OCA2: variants seen among roughly 807,000 people sequenced by gnomAD.
OCA2 encodes OCA2 melanosomal transmembrane protein, also known as P protein.
OCA2 carries 77 observed loss-of-function variants against 100.2 expected under a neutral mutation model. That is an observed-to-expected ratio of 0.77 (90% CI 0.64 to 0.93). The LOEUF (loss-of-function observed/expected upper bound fraction) is 0.93. OCA2 is among the 40% of genes least tolerant of loss of function. The pLI is 0.00. For missense variants in OCA2, 1,062 were observed against 1,089.1 expected, an observed-to-expected ratio of 0.98 and a Z score of 0.35; for synonymous variants, 432 against 439.2, an observed-to-expected ratio of 0.98 and a Z score of 0.21.
At chr15:27,956,193 T>A (rs140100628) in intron 16 of OCA2, among the ~76,000 whole-genome samples, 1 of 151,788 alleles carries the variant, frequency 6.6e-6, no homozygotes, top group Admixed American at 6.6e-5. Flanking sequence ...CTACTAAAAA[T>A]ACAAAATTAG....
chr15:27,913,021 A>G (rs1418096103), intron 19 of OCA2, among the ~76,000 whole-genome samples: 1 of 152,228 alleles, frequency 6.6e-6, no homozygotes, highest in Non-Finnish European at 1.5e-5. Flanking sequence ...AGAAATCTCT[A>G]CAAGGTAACT....
intron 19 of OCA2, among the ~76,000 whole-genome samples, chr15:27,904,866 G>T (rs916799586): frequency 2.0e-5 from 3 of 152,142 alleles, no homozygotes; most frequent in African/African-American, 7.2e-5. Context: ...TTCCCTTTTA[G>T]AAATCGGCAA....
chr15:27,979,292 T>C (rs1366577244), intron 14 of OCA2, among the ~76,000 whole-genome samples: 2 of 152,232 alleles, frequency 1.3e-5, no homozygotes, highest in East Asian at 3.8e-4. Flanking sequence ...GCTTATGATA[T>C]TTTTAACTTA....
chr15:27,773,301 A>G (rs2151054942), intron 23 of OCA2, among the ~76,000 whole-genome samples: 1 of 152,290 alleles, frequency 6.6e-6, no homozygotes, highest in African/African-American at 2.4e-5. Flanking sequence ...AATGAGAATA[A>G]ATCTATATAT....
chr15:28,016,229 G>T, intron 7 of OCA2, 43 bp from the exon 8 acceptor site: 1 of 1,472,252 alleles, frequency 6.8e-7, no homozygotes, highest in Non-Finnish European at 9.5e-7. Flanking sequence ...CTTTTCACCT[G>T]AGACACCATC....
At chr15:28,076,853 C>CAAAAAAA (rs575299612) in intron 2 of OCA2, among the ~76,000 whole-genome samples, 6 of 60,690 alleles carry the variant, frequency 9.9e-5, no homozygotes, top group African/African-American at 2.1e-4. Context: ...GACTCCGTCT[C>CAAAAAAA]AAAAAAAAAA....
At chr15:28,084,812 G>T (rs770139292) in intron 1 of OCA2, among the ~76,000 whole-genome samples, 8 of 152,334 alleles carry the variant, frequency 5.3e-5, no homozygotes, top group Non-Finnish European at 1.0e-4. Context: ...ACCCCAACAG[G>T]CTCCTGCATC....
intron 2 of OCA2, among the ~76,000 whole-genome samples, chr15:28,053,007 T>C (rs1261847177): frequency 6.6e-6 from 1 of 152,198 alleles, no homozygotes; most frequent in African/African-American, 2.4e-5. Context: ...AGAGGGAATC[T>C]GAGGTGGGTC....
At chr15:27,933,161 T>C (rs1295413939) in intron 18 of OCA2, among the ~76,000 whole-genome samples, 1 of 152,180 alleles carries the variant, frequency 6.6e-6, no homozygotes, top group Non-Finnish European at 1.5e-5. Context: ...TTACACCATA[T>C]ACAGAAACTA....
At chr15:27,801,962 T>G (rs1193859831) in intron 23 of OCA2, among the ~76,000 whole-genome samples, 2 of 152,156 alleles carry the variant, frequency 1.3e-5, no homozygotes, top group African/African-American at 4.8e-5. Flanking sequence ...TGCATTTTAC[T>G]GGAAAGTATA....
At chr15:27,869,024 G>A (rs2036437803) in intron 21 of OCA2, among the ~76,000 whole-genome samples, 1 of 152,214 alleles carries the variant, frequency 6.6e-6, no homozygotes, top group Non-Finnish European at 1.5e-5. Flanking sequence ...CCCACCCAAG[G>A]ATTGTGACCA....
At chr15:27,870,971 C>T (rs2036544949) in intron 21 of OCA2, among the ~76,000 whole-genome samples, 183 bp downstream of exon 21, 1 of 152,124 alleles carries the variant, frequency 6.6e-6, no homozygotes, top group African/African-American at 2.4e-5. Context: ...GGCTCCCAGC[C>T]TGCAGTCTGG....
At chr15:27,870,470 G>A (rs1406979885) in intron 21 of OCA2, among the ~76,000 whole-genome samples, 1 of 152,138 alleles carries the variant, frequency 6.6e-6, no homozygotes, top group African/African-American at 2.4e-5. Flanking sequence ...AGTCACGCCA[G>A]GAACAGGCTC....
At chr15:27,989,742 C>T (rs1474528006) in intron 10 of OCA2, 76 bp from the exon 11 acceptor site, 5 of 1,333,198 alleles carry the variant, frequency 3.8e-6, no homozygotes, top group African/African-American at 1.4e-5. Flanking sequence ...AGCGCTGCCC[C>T]CTGCTGCAGA....
At chr15:27,806,592 T>C (rs1473165776) in intron 23 of OCA2, among the ~76,000 whole-genome samples, 1 of 152,242 alleles carries the variant, frequency 6.6e-6, no homozygotes, top group Non-Finnish European at 1.5e-5. Context: ...CCCGTGCCCT[T>C]GGCTTCCCGC....
chr15:27,919,012 T>C (rs2038767724), intron 19 of OCA2, among the ~76,000 whole-genome samples: 1 of 152,108 alleles, frequency 6.6e-6, no homozygotes, highest in East Asian at 1.9e-4. Context: ...AAAGAAGATA[T>C]ACAGAAAAAA....
the OCA2 span, among the ~76,000 whole-genome samples, chr15:27,742,560 A>G: frequency 2.6e-5 from 4 of 152,122 alleles, no homozygotes; most frequent in Non-Finnish European, 5.9e-5. Context: ...TAGGCAATGG[A>G]GGATGCAGCA....
At chr15:27,847,051 T>A (rs771319963) in intron 22 of OCA2, among the ~76,000 whole-genome samples, 1 of 152,178 alleles carries the variant, frequency 6.6e-6, no homozygotes, top group Non-Finnish European at 1.5e-5. Flanking sequence ...CAACCAGATG[T>A]GTCTGAATTG....
Position 27,816,517 on chromosome 15 carries a change from C to T in OCA2, c.2432+28442G>A, listed in dbSNP as rs193146521. Among the ~76,000 whole-genome samples the T allele has an allele frequency of 2.1e-3, 314 of 152,276 alleles. 1 individual carries two copies. The highest frequency in any genetic ancestry group is 7.4e-3 in the African/African-American group (308 of 41,556). On this transcript the variant is annotated intron_variant, in intron 23 of 23. Transcript: ENST00000354638. ...TCGTAAGTATGGGTGGATTTCTCAG[C>T]GCCCCAGCTCCCCGACAGTGAAGAA...
Sources: gnomAD v4.1 joint callset for allele counts (sites outside exome capture counted in the v4.1 genomes callset) on GRCh38, gnomAD v4.1.1 for gene constraint, MANE v1.5 for transcripts, NCBI Gene and HGNC (gene_info 2026-07-23, HGNC 2026-07-21) for gene names.